Variants in TTC36 observed in about 807,000 individuals in gnomAD.
TTC36 encodes tetratricopeptide repeat protein 36.
In TTC36, 15 loss-of-function variants were observed where a neutral mutation model predicts 17.5. The ratio of observed to expected loss-of-function variants is 0.86; its 90% CI spans 0.57 to 1.32. TTC36 has a LOEUF of 1.32. Among genes scored for constraint, TTC36 ranks in the 40% most tolerant of loss-of-function variants. The pLI is 0.00. For missense variants in TTC36, 292 were observed against 260.9 expected (o/e 1.12, Z -0.82); for synonymous variants, 112 against 109.8 (o/e 1.02, Z -0.13).
intron 1 of TTC36, 129 bp from the exon 2 acceptor site, chr11:118,528,474 A>C: frequency 1.1e-6 from 1 of 904,254 alleles, no homozygotes; most frequent in South Asian, 2.3e-5. Context: ...AAACACTGCA[A>C]CTGACCCCTG....
chr11:118,527,593 AAAGG>A lies in TTC36; in HGVS notation c.103_106del (p.Glu35AsnfsTer24), dbSNP rs1951107424. ...GATTGGACCTCGGAGAGGAAGCAGA[AAAGG>A]AAGAACGAGAAGAAGGTGGGCATTT... is the stretch of plus-strand genomic sequence containing the variant. On this transcript the variant is annotated frameshift_variant, in exon 1 of 3. Coordinates refer to ENST00000302783, the MANE Select transcript of TTC36 (RefSeq NM_001080441.4). LOFTEE classifies it high-confidence loss of function. 6.2e-7 allele frequency: 1 copy of A among 1,613,962 alleles called. No homozygotes were observed. The highest frequency in any genetic ancestry group is 1.3e-5 in the African/African-American group (1 of 74,932).
At chr11:118,528,826 G>A (rs782217936) in intron 2 of TTC36, 35 bp downstream of exon 2, 82 of 1,554,830 alleles carry the variant, frequency 5.3e-5, no homozygotes, top group Non-Finnish European at 7.1e-5. Flanking sequence ...CTGCAAAAGG[G>A]CCCACGGGAG....
chr11:118,527,864 G>A (rs1951113510), intron 1 of TTC36: 3 of 575,870 alleles, frequency 5.2e-6, no homozygotes, highest in Admixed American at 4.4e-5. Context: ...TTAATTGACT[G>A]TATGATCCAA....
rs1555057440 is a variant in TTC36 at position 118,530,799 on chromosome 11, G to A, written c.453G>A (p.Arg151=). 1 of 1,505,292 alleles carries A rather than the reference G, an allele frequency of 6.6e-7. No homozygotes were observed. The highest frequency in any genetic ancestry group is 8.8e-7 in the Non-Finnish European group (1 of 1,135,656). The allele number at this position is 1,505,292 out of a possible 1,614,324, so 93.2% of individuals were successfully genotyped here. A position where few individuals can be genotyped will look rare whatever the true frequency, so the allele number is the denominator to read the frequency against. The change falls in exon 3 of 3, where the codon CGG becomes CGA. Residue 151 remains arginine (R), a synonymous_variant. Coordinates refer to ENST00000302783, the MANE Select transcript of TTC36 (RefSeq NM_001080441.4). This position sits in a 1 kb window ranked among gnomAD's most constrained non-coding sequence, Gnocchi z 5.8. ...GCAGGGACTTCGAGAGGGCGGCACG[G>A]CTGGGCAGCCCCTTCGCGCGGCGCC... ...DARRDFERAA[R]LGSPFARRQL...
rs1555057365 is a variant in TTC36, at chr11:118,530,726, T to A, written c.380T>A (p.Val127Glu). Reference sequence around the variant, plus strand: ...GGCCGCGCCGCCCGCCAGAGCTTTGTGCAGCGCGGACTCCTGGCGCGGCTG... The same window carrying A: ...GGCCGCGCCGCCCGCCAGAGCTTTGAGCAGCGCGGACTCCTGGCGCGGCTG... ...GRGRAARQSF[V>E]QRGLLARLQG... Residue 127 changes from valine to glutamate, a missense_variant, in exon 3 of 3, where the codon GTG (valine) becomes GAG (glutamate). Val to Glu is a moderately radical substitution (Grantham distance 121). Transcript: ENST00000302783. This position sits in a 1 kb window ranked among gnomAD's most constrained non-coding sequence, Gnocchi z 5.8. The A allele has an allele frequency of 6.7e-7, 1 of 1,495,492 alleles. No homozygotes were observed. The highest frequency in any genetic ancestry group is 8.8e-7 in the Non-Finnish European group (1 of 1,131,354). 92.6% of individuals were successfully genotyped at this position (1,495,492 alleles called of 1,614,324 possible). A position where few individuals can be genotyped will look rare whatever the true frequency, so the allele number is the denominator to read the frequency against.
intron 2 of TTC36, 134 bp downstream of exon 2, chr11:118,528,925 T>A (rs1412652326): frequency 4.0e-5 from 29 of 732,926 alleles, no homozygotes; most frequent in Non-Finnish European, 6.1e-5. Context: ...AAGGTAGGAG[T>A]AGTATCAGGG....
At position 118,527,604 on chromosome 11, in the gene TTC36, G is replaced by GAGA. The variant is rs782570762; in HGVS notation, c.116_118dup (p.Glu39dup). On this transcript the variant is annotated inframe_insertion, in exon 1 of 3. Transcript: ENST00000302783. ...GGAGAGGAAGCAGAAAAGGAAGAAC[G>GAGA]AGAAGAAGGTGGGCATTTGATCTGG... 3.7e-6 allele frequency: 6 copies of GAGA among 1,613,378 alleles called. No homozygotes were observed. The Middle Eastern group carries it at 5.0e-4, about 133-fold the overall frequency.
Position 118,530,666 on chromosome 11 carries a change from A to C in TTC36, c.320A>C (p.Asp107Ala), listed in dbSNP as rs1555057291. 6.8e-7 allele frequency: 1 copy of C among 1,470,204 alleles called. No homozygotes were observed. The highest frequency in any genetic ancestry group is 1.3e-5 in the South Asian group (1 of 77,054). 91.1% of individuals were successfully genotyped at this position (1,470,204 alleles called of 1,614,324 possible). ...GTCGGTCCCGCAGGCGCCCTGGAGG[A>C]TCTGGAACGCGCGGTGGAGCTGAGC... ...LQGDVAGALEDLERAVELSGG... is the reference protein window; with the variant it reads ...LQGDVAGALEALERAVELSGG... Residue 107 changes from aspartate to alanine, a missense_variant, in exon 3 of 3, where the codon GAT (aspartate) becomes GCT (alanine). By Grantham distance (126) the Asp-to-Ala change is moderately radical (BLOSUM62 -2). Transcript: ENST00000302783. This position sits in a 1 kb window ranked among gnomAD's most constrained non-coding sequence, Gnocchi z 5.8.
rs1555056428 is a variant in TTC36 at position 118,528,659 on chromosome 11, G to C, written c.175G>C (p.Val59Leu). 3.7e-6 allele frequency: 6 copies of C among 1,611,250 alleles called. No individual in the cohort carries two copies. Among genetic ancestry groups the C allele is most frequent in the Non-Finnish European group, 5.1e-6 (6 of 1,178,418 alleles). ...GTCCAAGGCCCTGGAGCTGCAGGGG[G>C]TGATGGCAGCAGAGGCTGGGGACCT... ...EQSKALELQG[V>L]MAAEAGDLST... Residue 59 changes from valine to leucine, a missense_variant, in exon 2 of 3, where the codon GTG becomes CTG. By Grantham distance (32) the Val-to-Leu change is conservative. Transcript: ENST00000302783.
chr11:118,530,362 T>G lies in TTC36; in HGVS notation c.308-292T>G. The G allele has an allele frequency of 2.7e-6, 1 of 367,256 alleles. No homozygotes were observed. Among genetic ancestry groups the G allele is most frequent in the Non-Finnish European group, 4.8e-6 (1 of 207,248 alleles). 22.7% of individuals were successfully genotyped at this position (367,256 alleles called of 1,614,324 possible). On this transcript the variant is annotated intron_variant, in intron 2 of 2. Transcript: ENST00000302783. This position sits in a 1 kb window ranked among gnomAD's most constrained non-coding sequence, Gnocchi z 5.8. ...GCCATTCAGAATCCTGCAACGTTCA[T>G]GTTTTCGTGTATTAGCGGTGGAAAA...
chr11:118,527,567 G>A lies in TTC36; in HGVS notation c.73G>A (p.Gly25Arg). 6.2e-7 allele frequency: 1 copy of A among 1,614,184 alleles called. No individual in the cohort carries two copies. Among genetic ancestry groups the A allele is most frequent in the Non-Finnish European group, 8.5e-7 (1 of 1,180,030 alleles). Residue 25 changes from glycine to arginine, a missense_variant, in exon 1 of 3, where the codon GGA becomes AGA. Gly to Arg is a moderately radical substitution (Grantham distance 125). Coordinates refer to ENST00000302783, the MANE Select transcript of TTC36 (RefSeq NM_001080441.4). ...NPDTPFGDIV[G>R]LDLGEEAEKE... ...TGACACCCCATTTGGAGACATTGTT[G>A]GATTGGACCTCGGAGAGGAAGCAGA...
rs1336773634 is a variant in TTC36, at chr11:118,528,526, T to A, written c.119-77T>A. 2.1e-6 allele frequency: 3 copies of A among 1,445,550 alleles called. No homozygotes were observed. In the African/African-American group the frequency reaches 4.3e-5, roughly 21 times the overall value. The allele number at this position is 1,445,550 out of a possible 1,614,324, so 89.5% of individuals were successfully genotyped here. On this transcript the variant is annotated intron_variant, in intron 1 of 2. Coordinates refer to ENST00000302783, the MANE Select transcript of TTC36 (RefSeq NM_001080441.4). Reference sequence around the variant, plus strand: ...GTCAGCTCTGGCTCAGATCTCAGAATTCCAAAGCCTGAGGTGGCTTTTTCT... The same window carrying A: ...GTCAGCTCTGGCTCAGATCTCAGAAATCCAAAGCCTGAGGTGGCTTTTTCT...
Position 118,527,621 on chromosome 11 carries a change from T to A in TTC36, c.118+9T>A. The A allele has an allele frequency of 6.2e-7, 1 of 1,604,424 alleles. No homozygotes were observed. The highest frequency in any genetic ancestry group is 8.5e-7 in the Non-Finnish European group (1 of 1,171,148). Reference sequence around the variant, plus strand: ...GGAAGAACGAGAAGAAGGTGGGCATTTGATCTGGAGTGTAGCTCTGCACAT... The same window carrying A: ...GGAAGAACGAGAAGAAGGTGGGCATATGATCTGGAGTGTAGCTCTGCACAT... On this transcript the variant is annotated intron_variant, in intron 1 of 2. Transcript: ENST00000302783.
Position 118,527,515 on chromosome 11 carries a change from G to A in TTC36, c.21G>A (p.Gln7=). Residue 7 remains glutamine, a synonymous_variant, in exon 1 of 3, where the codon CAG becomes CAA. Transcript: ENST00000302783. MGTPND[Q]AVLQAIFNPD... is the part of the protein sequence containing the mutation. ...GCACCATGGGGACTCCAAATGATCA[G>A]GCAGTGCTGCAGGCCATCTTCAACC... 6.2e-7 allele frequency: 1 copy of A among 1,614,058 alleles called. No homozygotes were observed. Among genetic ancestry groups the A allele is most frequent in the Non-Finnish European group, 8.5e-7 (1 of 1,179,950 alleles).
chr11:118,528,526 T>C, intron 1 of TTC36, 77 bp from the exon 2 acceptor site: 1 of 1,445,668 alleles, frequency 6.9e-7, no homozygotes, highest in East Asian at 2.4e-5. Flanking sequence ...GATCTCAGAA[T>C]TCCAAAGCCT....
intron 2 of TTC36, among the ~76,000 whole-genome samples, chr11:118,529,621 G>T (rs1307447570): frequency 6.6e-6 from 1 of 152,200 alleles, no homozygotes; most frequent in Admixed American, 6.5e-5. Flanking sequence ...GGTGACACAG[G>T]TGCTCCCAGA....
rs1251465206 is a variant in TTC36, at chr11:118,530,951, C to A, written c.*35C>A. 1 of 1,468,286 alleles carries A rather than the reference C, an allele frequency of 6.8e-7. No homozygotes were observed. Among genetic ancestry groups the A allele is most frequent in the Non-Finnish European group, 8.9e-7 (1 of 1,120,942 alleles). The allele number at this position is 1,468,286 out of a possible 1,614,324, so 91.0% of individuals were successfully genotyped here. A position where few individuals can be genotyped will look rare whatever the true frequency, so the allele number is the denominator to read the frequency against. On this transcript the variant is annotated 3_prime_UTR_variant, in exon 3 of 3. Coordinates refer to ENST00000302783, the MANE Select transcript of TTC36 (RefSeq NM_001080441.4). The surrounding 1 kb of genome is among the most constrained non-coding windows in gnomAD (Gnocchi z 5.8). ...ACCCGGGCGTCCGCGGGCGAGGGGA[C>A]GGGACTGGGCCCTGAACCAATAAAG... is the stretch of plus-strand genomic sequence containing the variant.
chr11:118,528,590 T>C lies in TTC36; in HGVS notation c.119-13T>C. 5 of 1,545,996 alleles carry C rather than the reference T, an allele frequency of 3.2e-6. No homozygotes were observed. Among genetic ancestry groups the C allele is most frequent in the Non-Finnish European group, 4.4e-6 (5 of 1,142,492 alleles). On this transcript the variant is annotated splice_polypyrimidine_tract_variant and intron_variant, in intron 1 of 2. Transcript: ENST00000302783. Reference sequence around the variant, plus strand: ...TGCACACCTGGCTTCTCCTGGCTCCTTCCCTGGCCCAGATGAAGTTTTCCC... The same window carrying C: ...TGCACACCTGGCTTCTCCTGGCTCCCTCCCTGGCCCAGATGAAGTTTTCCC...
In TTC36 at chr11:118,527,548, C is replaced by T. The variant is rs782652890; in HGVS notation, c.54C>T (p.Thr18=). 13 of 1,614,016 alleles carry T rather than the reference C, an allele frequency of 8.1e-6. No homozygotes were observed. The stretch of plus-strand genomic sequence containing the variant: ...TGCAGGCCATCTTCAACCCTGACAC[C>T]CCATTTGGAGACATTGTTGGATTGG... The part of the protein sequence containing the change: ...AVLQAIFNPD[T]PFGDIVGLDL... Residue 18 remains threonine (T), a synonymous_variant, in exon 1 of 3, where the codon ACC becomes ACT. Transcript: ENST00000302783.
Sources: gnomAD v4.1 joint callset for allele counts (sites outside exome capture counted in the v4.1 genomes callset) on GRCh38, gnomAD v4.1.1 for gene constraint, Gnocchi (gnomAD v3.1) non-coding constraint, MANE v1.5 for transcripts, NCBI Gene and HGNC (gene_info 2026-07-23, HGNC 2026-07-21) for gene names.